GCN1: variants seen among roughly 807,000 people sequenced by gnomAD.
GCN1 encodes stalled ribosome sensor GCN1.
Under a neutral mutation model 288.4 loss-of-function variants are expected in GCN1, and 90 were observed. The ratio of observed to expected loss-of-function variants is 0.31; its 90% CI spans 0.26 to 0.37. GCN1 has a LOEUF of 0.37. Among genes scored for constraint, GCN1 ranks in the 10% least tolerant of loss-of-function variants. The pLI, the probability that GCN1 is intolerant of heterozygous loss-of-function variation, is 1.00. For synonymous variants in GCN1, 1,386 were observed against 1,420.2 expected (o/e 0.98, Z 0.54); for missense variants, 2,586 against 3,419.9 (o/e 0.76, Z 6.08).
intron 15 of GCN1, 139 bp from the exon 16 acceptor site, chr12:120,168,439 G>T: frequency 1.5e-6 from 1 of 649,216 alleles, no homozygotes. Context: ...CTTCCATTTG[G>T]GGAACTGACC....
intron 12 of GCN1, among the ~76,000 whole-genome samples, chr12:120,174,676 A>G (rs1594283964): frequency 1.3e-5 from 2 of 151,518 alleles, no homozygotes; most frequent in East Asian, 3.9e-4. Flanking sequence ...CTGTAGTCCC[A>G]GCTACTCAAG....
In GCN1 at chr12:120,175,794, A is replaced by G. The variant is rs185687547; in HGVS notation, c.994T>C (p.Ser332Pro). 6.8e-6 allele frequency: 11 copies of G among 1,613,382 alleles called. No individual in the cohort carries two copies. The East Asian group carries it at 2.5e-4, about 36-fold the overall frequency. ...LRNLARQCSD[S>P]SAMESLTKHL... ...TTGGTCAGGGATTCCATGGCCGAAG[A>G]GTCACTGCACTGGCGTGCCAGGTTC... The change falls in exon 11 of 58, where the codon TCT (serine) becomes CCT (proline). Residue 332 changes from serine (S) to proline (P), a missense_variant. This residue lies in a region of GCN1 where 913 missense variants were observed against 1,107.0 expected (regional missense o/e 0.82). Coordinates refer to ENST00000300648, the MANE Select transcript of GCN1 (RefSeq NM_006836.2).
At chr12:120,138,639 T>A in intron 46 of GCN1, 56 bp downstream of exon 46, 1 of 1,542,076 alleles carries the variant, frequency 6.5e-7, no homozygotes, top group South Asian at 1.2e-5. Context: ...GTATTTTCCA[T>A]CTACAAAGAC....
Position 120,153,987 on chromosome 12 carries a change from G to C in GCN1, c.3702-78C>G. 4 of 1,271,830 alleles carry C rather than the reference G, an allele frequency of 3.1e-6. No homozygotes were observed. The highest frequency in any genetic ancestry group is 1.4e-5 in the South Asian group (1 of 73,788). The allele number at this position is 1,271,830 out of a possible 1,614,324, so 78.8% of individuals were successfully genotyped here. On this transcript the variant is annotated intron_variant, in intron 31 of 57. Coordinates refer to ENST00000300648, the MANE Select transcript of GCN1 (RefSeq NM_006836.2). The surrounding 1 kb of genome is among the most constrained non-coding windows in gnomAD (Gnocchi z 4.4). ...CCAGTGGAACCTCTGCTGGTGCACGGCAAGGAGAGGGAGCTTGCCTGAGGC... is the reference window on the plus strand; with the variant it reads ...CCAGTGGAACCTCTGCTGGTGCACGCCAAGGAGAGGGAGCTTGCCTGAGGC...
In GCN1 at chr12:120,158,506, C is replaced by T. The variant is rs1311739874; in HGVS notation, c.2859G>A (p.Leu953=). ...LSVAVKRAVM[L]LHTHTITSRV... is the part of the protein sequence containing the mutation. The stretch of plus-strand genomic sequence containing the variant: ...TGCTGGTGATGGTGTGGGTGTGCAG[C>T]AGCATCACCGCCCTCTTCACAGCCA... Residue 953 remains leucine, a synonymous_variant, in exon 25 of 58, where the codon CTG becomes CTA. Coordinates refer to ENST00000300648, the MANE Select transcript of GCN1 (RefSeq NM_006836.2). The surrounding 1 kb of genome is among the most constrained non-coding windows in gnomAD (Gnocchi z 4.3). 8.3e-6 allele frequency: 13 copies of T among 1,568,466 alleles called. 1 individual carries two copies. In the South Asian group the frequency reaches 1.4e-4, roughly 17 times the overall value.
intron 42 of GCN1, among the ~76,000 whole-genome samples, chr12:120,143,500 T>C (rs888037995): frequency 4.1e-4 from 62 of 151,526 alleles, no homozygotes; most frequent in Non-Finnish European, 7.9e-4. Context: ...GAGAATTGCT[T>C]GAACCCGGGA....
At chr12:120,188,495 G>A (rs1878897416) in intron 2 of GCN1, among the ~76,000 whole-genome samples, 1 of 149,602 alleles carries the variant, frequency 6.7e-6, no homozygotes, top group South Asian at 2.1e-4. Context: ...ATCCTTTATT[G>A]GCCAATCACC....
At chr12:120,160,515 T>C (rs956237055) in intron 22 of GCN1, among the ~76,000 whole-genome samples, 8 of 152,220 alleles carry the variant, frequency 5.3e-5, no homozygotes, top group African/African-American at 1.9e-4. Context: ...CTTTTTATGT[T>C]AGAGAAATAA....
In GCN1 at chr12:120,158,622, T is replaced by C. The variant is rs1161337976; in HGVS notation, c.2750-7A>G. On this transcript the variant is annotated splice_region_variant and splice_polypyrimidine_tract_variant and intron_variant, in intron 24 of 57. Coordinates refer to ENST00000300648, the MANE Select transcript of GCN1 (RefSeq NM_006836.2). This position sits in a 1 kb window ranked among gnomAD's most constrained non-coding sequence, Gnocchi z 4.3. Reference sequence around the variant, plus strand: ...ACGTGGCTCACCAAAGTGCCTGTGTTGAAGAGGAGAGACCCAGCAGGAGAT... The same window carrying C: ...ACGTGGCTCACCAAAGTGCCTGTGTCGAAGAGGAGAGACCCAGCAGGAGAT... 6.3e-7 allele frequency: 1 copy of C among 1,599,082 alleles called. No individual in the cohort carries two copies. Among genetic ancestry groups the C allele is most frequent in the Non-Finnish European group, 8.5e-7 (1 of 1,172,554 alleles).
Position 120,163,086 on chromosome 12 carries a change from G to A in GCN1, c.2022C>T (p.Ser674=). 2 of 1,614,206 alleles carry A rather than the reference G, an allele frequency of 1.2e-6. No homozygotes were observed. Among genetic ancestry groups the A allele is most frequent in the Non-Finnish European group, 1.7e-6 (2 of 1,180,010 alleles). Residue 674 remains serine, a synonymous_variant, in exon 19 of 58, where the codon TCC becomes TCT. Coordinates refer to ENST00000300648, the MANE Select transcript of GCN1 (RefSeq NM_006836.2). Reference sequence around the variant, plus strand: ...GCCACGGACCTAAGGATGGGTGGTGGGAGATGATCAGCATTTCCTGGGCCA... The same window carrying A: ...GCCACGGACCTAAGGATGGGTGGTGAGAGATGATCAGCATTTCCTGGGCCA... ...EQLAQEMLII[S]HHPSLVAVQS...
At position 120,160,151 on chromosome 12, in the gene GCN1, C is replaced by T. The variant is rs1345208862; in HGVS notation, c.2541G>A (p.Arg847=). The T allele has an allele frequency of 3.1e-6, 5 of 1,611,604 alleles. 1 individual carries two copies. Among genetic ancestry groups the T allele is most frequent in the Middle Eastern group, 3.3e-4 (2 of 6,060 alleles). The change falls in exon 23 of 58, where the codon CGG becomes CGA. Residue 847 remains arginine (R), a synonymous_variant. Coordinates refer to ENST00000300648, the MANE Select transcript of GCN1 (RefSeq NM_006836.2). The part of the protein sequence containing the change: ...QLDREAQVRR[R]LQELDGELEA... ...GGAGGTGGCCACTCACCTCCTGCAG[C>T]CGCCTCCGGACCTGCGCCTCCCTGT... is the stretch of plus-strand genomic sequence containing the variant.
chr12:120,140,754 C>T (rs534590547), intron 45 of GCN1, 105 bp downstream of exon 45: 12 of 1,079,670 alleles, frequency 1.1e-5, no homozygotes, highest in Admixed American at 4.4e-5. Flanking sequence ...TCCCTGAGGG[C>T]AGCACAAACC....
Position 120,173,649 on chromosome 12 carries a change from T to A in GCN1, c.1366+4A>T. The A allele has an allele frequency of 6.3e-7, 1 of 1,591,708 alleles. No individual in the cohort carries two copies. Among genetic ancestry groups the A allele is most frequent in the Non-Finnish European group, 8.6e-7 (1 of 1,159,816 alleles). ...CTGGACACTAGCCCTGGGAGTTGTC[T>A]TACCCCGGTAAGAGGCCAACATGCA... On this transcript the variant is annotated splice_donor_region_variant and intron_variant, in intron 14 of 57. Coordinates refer to ENST00000300648, the MANE Select transcript of GCN1 (RefSeq NM_006836.2).
intron 57 of GCN1, among the ~76,000 whole-genome samples, chr12:120,129,039 C>T (rs1001012950): frequency 6.6e-6 from 1 of 151,886 alleles, no homozygotes; most frequent in Non-Finnish European, 1.5e-5. Context: ...GGGGTTTCAC[C>T]GTGTTAGCCT....
intron 54 of GCN1, 96 bp from the exon 55 acceptor site, chr12:120,131,429 G>C (rs535895072): frequency 1.3e-5 from 16 of 1,220,640 alleles, no homozygotes; most frequent in South Asian, 8.2e-5. Context: ...AGACCAGTGT[G>C]CTGACCCAGA....
Position 120,158,943 on chromosome 12 carries a change from C to T in GCN1, c.2750-328G>A, listed in dbSNP as rs546676406. 1.3e-5 allele frequency among the ~76,000 whole-genome samples: 2 copies of T among 150,128 alleles called. No homozygotes were observed. The highest frequency in any genetic ancestry group is 3.0e-5 in the Non-Finnish European group (2 of 67,788). On this transcript the variant is annotated intron_variant, in intron 24 of 57. Coordinates refer to ENST00000300648, the MANE Select transcript of GCN1 (RefSeq NM_006836.2). This position sits in a 1 kb window ranked among gnomAD's most constrained non-coding sequence, Gnocchi z 4.3. ...AGGAGAATGGCATGAACCCGGGAAG[C>T]GGAGCTGGCAGTGAGCCAAGATGGC...
At chr12:120,146,143 T>A (rs1877353762) in intron 38 of GCN1, among the ~76,000 whole-genome samples, 1 of 151,544 alleles carries the variant, frequency 6.6e-6, no homozygotes, top group Non-Finnish European at 1.5e-5. Flanking sequence ...GGTGGGCGGC[T>A]GTAATCCCAG....
At chr12:120,188,773 C>T (rs1049855622) in intron 2 of GCN1, among the ~76,000 whole-genome samples, 1 of 150,358 alleles carries the variant, frequency 6.7e-6, no homozygotes, top group Non-Finnish European at 1.5e-5. Context: ...GATATGAACC[C>T]GGGAAGCAGA....
At chr12:120,179,476 T>G (rs1204219249) in intron 5 of GCN1, among the ~76,000 whole-genome samples, 2 of 150,842 alleles carry the variant, frequency 1.3e-5, no homozygotes, top group Non-Finnish European at 2.9e-5. Context: ...CTCAGCTCAC[T>G]GCAAGCTCCG....
Sources: gnomAD v4.1 joint callset for allele counts (sites outside exome capture counted in the v4.1 genomes callset) on GRCh38, gnomAD v4.1.1 for gene constraint, gnomAD v4.1.1 regional missense constraint, Gnocchi (gnomAD v3.1) non-coding constraint, MANE v1.5 for transcripts, NCBI Gene and HGNC (gene_info 2026-07-23, HGNC 2026-07-21) for gene names.